The following SH3BP2 variants were observed in gnomAD, a reference collection of about 807,000 sequenced individuals.
The protein encoded by SH3BP2 is SH3 domain-binding protein 2.
Under a neutral mutation model 56.2 loss-of-function variants are expected in SH3BP2, and 38 were observed. The observed-to-expected ratio is 0.68, with a 90% CI of 0.52 to 0.89. SH3BP2 has a LOEUF of 0.89. Ranked by LOEUF, SH3BP2 falls within the 40% of genes least tolerant of loss-of-function variation. The probability of loss-of-function intolerance (pLI) is 0.00; values close to 1 mark genes in which losing one functional copy is unlikely to be tolerated. For missense variants in SH3BP2, 748 were observed against 762.6 expected, an observed-to-expected ratio of 0.98 and a Z score of 0.23; for synonymous variants, 346 against 316.7, an observed-to-expected ratio of 1.09 and a Z score of -0.98.
chr4:2,810,533 G>T lies in SH3BP2; in HGVS notation c.-4-10081G>T, dbSNP rs975330472. ...AGTAAGGGGTGGCGTGTTCCTGAGA[G>T]CGCCGGCTGCCTCTGGGTTCTTATC... On this transcript the variant is annotated intron_variant, in intron 1 of 12. Coordinates refer to ENST00000503393, the MANE Select transcript of SH3BP2 (RefSeq NM_001122681.2). This position sits in a 1 kb window ranked among gnomAD's most constrained non-coding sequence, Gnocchi z 4.2. 1.3e-5 allele frequency among the ~76,000 whole-genome samples: 2 copies of T among 151,964 alleles called. No homozygotes were observed. Among genetic ancestry groups the T allele is most frequent in the African/African-American group, 4.8e-5 (2 of 41,360 alleles).
chr4:2,806,867 C>T (rs1723556287), intron 1 of SH3BP2, among the ~76,000 whole-genome samples: 1 of 152,252 alleles, frequency 6.6e-6, no homozygotes, highest in African/African-American at 2.4e-5. Flanking sequence ...TTGCAGCTTC[C>T]CTCTGAGGAC....
intron 1 of SH3BP2, among the ~76,000 whole-genome samples, chr4:2,808,380 T>G (rs1723620040): frequency 1.3e-5 from 2 of 152,230 alleles, no homozygotes; most frequent in Non-Finnish European, 2.9e-5. Flanking sequence ...GCTGCTTAAC[T>G]TAGTTACATC....
intron 3 of SH3BP2, 39 bp from the exon 4 acceptor site, chr4:2,824,574 C>A: frequency 1.3e-6 from 2 of 1,490,524 alleles, no homozygotes; most frequent in South Asian, 1.1e-5. Flanking sequence ...ATCCCTATAG[C>A]TGTGAACCAG....
chr4:2,816,250 AC>A (rs1723992274), intron 1 of SH3BP2, among the ~76,000 whole-genome samples: 1 of 152,186 alleles, frequency 6.6e-6, no homozygotes, highest in South Asian at 2.1e-4. Flanking sequence ...CATGTTGGCC[AC>A]GCTGGTCTCG....
intron 1 of SH3BP2, chr4:2,818,266 G>T: frequency 9.9e-7 from 1 of 1,011,780 alleles, no homozygotes; most frequent in Non-Finnish European, 1.2e-6. Flanking sequence ...GGGCCGGCGG[G>T]AGGCGGGCGC....
chr4:2,840,932 G>A lies in SH3BP2; in HGVS notation c.*7098G>A, dbSNP rs1240854607. 1 of 151,586 alleles carries A rather than the reference G, an allele frequency of 6.6e-6. No individual in the cohort carries two copies. Among genetic ancestry groups the A allele is most frequent in the Non-Finnish European group, 1.5e-5 (1 of 67,886 alleles). 9.4% of individuals were successfully genotyped at this position (151,586 alleles called of 1,614,324 possible). ...TTGTGGTCTTGCTTATCTTAAGTTT[G>A]ATTTGTAAATATTTTATGTTTCTTT... is the stretch of plus-strand genomic sequence containing the variant. On this transcript the variant is annotated 3_prime_UTR_variant, in exon 13 of 13. Transcript: ENST00000503393.
chr4:2,805,961 C>G (rs1017836114), intron 1 of SH3BP2, among the ~76,000 whole-genome samples: 2 of 152,166 alleles, frequency 1.3e-5, no homozygotes, highest in Admixed American at 6.5e-5. Context: ...AGGCCAGGCC[C>G]GCAGGCAGGA....
chr4:2,804,766 G>A (rs1408043530), intron 1 of SH3BP2, among the ~76,000 whole-genome samples: 1 of 152,238 alleles, frequency 6.6e-6, no homozygotes, highest in Non-Finnish European at 1.5e-5. Context: ...GAAATGCCTG[G>A]TAGGGGCCCT....
intron 1 of SH3BP2, chr4:2,794,078 G>T (rs763882685): frequency 1.3e-5 from 2 of 152,472 alleles, no homozygotes; most frequent in East Asian, 3.9e-4. Context: ...TAAGTCCTTC[G>T]AATTGGCTGT....
rs575876372 is a variant in SH3BP2, at chr4:2,800,526, G to A, written c.-5+7388G>A. The stretch of plus-strand genomic sequence containing the variant: ...AGTCTTACTGCCACCCGAGCAGTAC[G>A]TGGAGGTGCTTGTCCTGTGACCGCC... On this transcript the variant is annotated intron_variant, in intron 1 of 12. Coordinates refer to ENST00000503393, the MANE Select transcript of SH3BP2 (RefSeq NM_001122681.2). 4.0e-5 allele frequency among the ~76,000 whole-genome samples: 6 copies of A among 148,642 alleles called. No homozygotes were observed. In the East Asian group the frequency reaches 5.9e-4, roughly 15 times the overall value.
intron 5 of SH3BP2, 56 bp downstream of exon 5, chr4:2,825,252 T>C (rs1724540635): frequency 2.1e-6 from 3 of 1,401,412 alleles, no homozygotes; most frequent in Non-Finnish European, 3.0e-6. Context: ...CGCCTGGGCC[T>C]GACCCGGGTG....
At chr4:2,812,347 C>G in intron 1 of SH3BP2, 1 of 1,550,124 alleles carries the variant, frequency 6.5e-7, no homozygotes, top group Non-Finnish European at 8.7e-7. Flanking sequence ...CGCGTCAGGC[C>G]TCACATGTCT....
At position 2,835,407 on chromosome 4, in the gene SH3BP2, C is replaced by T. The variant is rs1259876308; in HGVS notation, c.*1573C>T. 6.6e-6 allele frequency: 1 copy of T among 152,258 alleles called. No individual in the cohort carries two copies. The highest frequency in any genetic ancestry group is 2.4e-5 in the African/African-American group (1 of 41,440). 9.4% of individuals were successfully genotyped at this position (152,258 alleles called of 1,614,324 possible). On this transcript the variant is annotated 3_prime_UTR_variant, in exon 13 of 13. Transcript: ENST00000503393. Reference sequence around the variant, plus strand: ...AACCAGGTGTCCAAGGCCACCTCTGCAGGGGTTTCCTCTTCAGCCTGCCTG... The same window carrying T: ...AACCAGGTGTCCAAGGCCACCTCTGTAGGGGTTTCCTCTTCAGCCTGCCTG...
At chr4:2,812,155 G>A in intron 1 of SH3BP2, 2 of 1,421,910 alleles carry the variant, frequency 1.4e-6, no homozygotes, top group South Asian at 3.0e-5. Context: ...GGTGGATGAG[G>A]GGCAGCCCTG....
Position 2,825,129 on chromosome 4 carries a change from T to C in SH3BP2, c.361T>C (p.Trp121Arg). 6.4e-7 allele frequency: 1 copy of C among 1,572,940 alleles called. No individual in the cohort carries two copies. The highest frequency in any genetic ancestry group is 8.6e-7 in the Non-Finnish European group (1 of 1,159,022). ...SASSEEERKSWMALLRREIGH... is the reference protein window; with the variant it reads ...SASSEEERKSRMALLRREIGH... The stretch of plus-strand genomic sequence containing the variant: ...CCACAGCCCCGCTGACCTGCAGAGC[T>C]GGATGGCCTTGCTGCGCAGGGAGAT... Residue 121 changes from tryptophan (W) to arginine (R), a missense_variant, in exon 5 of 13, where the codon TGG becomes CGG. Trp to Arg is a moderately radical substitution (Grantham distance 101). Transcript: ENST00000503393.
Position 2,836,186 on chromosome 4 carries a change from ACT to A in SH3BP2, c.*2355_*2356del, listed in dbSNP as rs886059365. ...GCCCTGGTCCAGCCTCGCCTCCCAG[ACT>A]CTGCACCTGCTAGCACAGCTGTCCA... On this transcript the variant is annotated 3_prime_UTR_variant, in exon 13 of 13. Transcript: ENST00000503393. 2 of 152,020 alleles carry A rather than the reference ACT, an allele frequency of 1.3e-5. No homozygotes were observed. Among genetic ancestry groups the A allele is most frequent in the Non-Finnish European group, 2.9e-5 (2 of 68,104 alleles). The allele number at this position is 152,020 out of a possible 1,614,324, so 9.4% of individuals were successfully genotyped here.
chr4:2,831,069 TC>T lies in SH3BP2; in HGVS notation c.1242-499del, dbSNP rs1330946059. Among the ~76,000 whole-genome samples, 1 of 152,230 alleles carries T rather than the reference TC, an allele frequency of 6.6e-6. No individual in the cohort carries two copies. Among genetic ancestry groups the T allele is most frequent in the African/African-American group, 2.4e-5 (1 of 41,456 alleles). ...GCTCAGCCTCACCCACAGGCTGGCC[TC>T]CCATGCTGGCGTGGCCCGTTAATCC... On this transcript the variant is annotated intron_variant, in intron 8 of 12. Transcript: ENST00000503393. This position sits in a 1 kb window ranked among gnomAD's most constrained non-coding sequence, Gnocchi z 4.1.
At chr4:2,825,013 G>A (rs962754727) in intron 4 of SH3BP2, 113 bp from the exon 5 acceptor site, 30 of 997,108 alleles carry the variant, frequency 3.0e-5, no homozygotes, top group Middle Eastern at 4.6e-4. Flanking sequence ...CAGCCGGGTC[G>A]CCTCCTCTGA....
Position 2,840,615 on chromosome 4 carries a change from G to T in SH3BP2, c.*6781G>T, listed in dbSNP as rs1489135876. 2.0e-5 allele frequency: 3 copies of T among 152,194 alleles called. No homozygotes were observed. Among genetic ancestry groups the T allele is most frequent in the Non-Finnish European group, 2.9e-5 (2 of 68,046 alleles). The allele number at this position is 152,194 out of a possible 1,614,324, so 9.4% of individuals were successfully genotyped here. ...TATTATCAATTATGTATTGAGATCTGATAAAGTAAGTCTTTTCCACCTTAT... is the reference window on the plus strand; with the variant it reads ...TATTATCAATTATGTATTGAGATCTTATAAAGTAAGTCTTTTCCACCTTAT... On this transcript the variant is annotated 3_prime_UTR_variant, in exon 13 of 13. Coordinates refer to ENST00000503393, the MANE Select transcript of SH3BP2 (RefSeq NM_001122681.2).
Sources: allele counts gnomAD v4.1 joint callset (sites outside exome capture counted in the v4.1 genomes callset), GRCh38; gene constraint gnomAD v4.1.1; non-coding constraint Gnocchi (gnomAD v3.1); transcripts MANE v1.5; gene names NCBI Gene and HGNC (gene_info 2026-07-23, HGNC 2026-07-21).